TEX11: variants seen among roughly 807,000 people sequenced by gnomAD.
The protein encoded by TEX11 is testis expressed 11, also known as testis-expressed protein 11.
A neutral mutation model predicts 84.4 loss-of-function variants in TEX11; 7 were observed. The ratio of observed to expected loss-of-function variants is 0.08; its 90% CI spans 0.05 to 0.16. TEX11 has a LOEUF of 0.16. Among genes scored for constraint, TEX11 ranks in the 10% least tolerant of loss-of-function variants. TEX11 has a pLI of 1.00. For synonymous variants in TEX11, 264 were observed against 222.8 expected (o/e 1.18, Z -1.64); for missense variants, 551 against 660.5 (o/e 0.83, Z 1.82).
chrX:70,687,696 T>C (rs5936581), intron 13 of TEX11, among the ~76,000 whole-genome samples: 46,518 of 109,249 alleles, frequency 0.43, 8,326 homozygotes, highest in East Asian at 0.58. Context: ...TGAAATAAAG[T>C]AGAGTTATGT....
At chrX:70,586,741 A>G (rs1365664614) in intron 25 of TEX11, among the ~76,000 whole-genome samples, 1 of 112,184 alleles carries the variant, frequency 8.9e-6, no homozygotes, top group Non-Finnish European at 1.9e-5. Flanking sequence ...GCGAGAATGG[A>G]CTAATACAGT....
At chrX:70,639,313 A>C (rs2089616941) in intron 17 of TEX11, among the ~76,000 whole-genome samples, 1 of 111,853 alleles carries the variant, frequency 8.9e-6, no homozygotes, top group African/African-American at 3.2e-5. Flanking sequence ...GTCTGAGATC[A>C]AACTGCAAGG....
At chrX:70,825,107 T>A (rs1271960059) in intron 8 of TEX11, among the ~76,000 whole-genome samples, 2 of 110,498 alleles carry the variant, frequency 1.8e-5, no homozygotes, top group Non-Finnish European at 3.8e-5. Flanking sequence ...TGAGGTCAAT[T>A]CTGAGACCAG....
At chrX:70,684,991 A>T (rs1248426842) in intron 13 of TEX11, among the ~76,000 whole-genome samples, 1 of 111,847 alleles carries the variant, frequency 8.9e-6, no homozygotes, top group Non-Finnish European at 1.9e-5. Context: ...CCAGAAAAAA[A>T]CCCCAAAAAA....
the TEX11 span, among the ~76,000 whole-genome samples, chrX:70,516,602 G>A: frequency 4.5e-5 from 5 of 111,487 alleles, no homozygotes; most frequent in African/African-American, 6.5e-5. Context: ...TTAGCAATGC[G>A]GGCTCTTTTT....
intron 8 of TEX11, among the ~76,000 whole-genome samples, chrX:70,827,342 C>T (rs2091352531): frequency 8.9e-6 from 1 of 111,774 alleles, no homozygotes; most frequent in Non-Finnish European, 1.9e-5. Flanking sequence ...ACATTCCCAG[C>T]TGTGGTGGCT....
rs771725186 is a variant in TEX11 at position 70,833,279 on chromosome X, A to AAAAAAG, written c.606+233_606+234insCTTTTT. Among the ~76,000 whole-genome samples the AAAAAAG allele has an allele frequency of 5.8e-5, 6 of 103,337 alleles. 1 individual carries two copies. Among genetic ancestry groups the AAAAAAG allele is most frequent in the Admixed American group, 2.2e-4 (2 of 9,001 alleles). 89.7% of individuals were successfully genotyped at this position (103,337 alleles called of 115,157 possible). ...AGTGAGACTCCATCTCAGAAAAAAA[A>AAAAAAG]AAAAGAAAAGAAAAGAAAAGAAAAG... On this transcript the variant is annotated intron_variant, in intron 8 of 29. Transcript: ENST00000374333.
Position 70,860,873 on chromosome X carries a change from A to C in TEX11, c.308T>G (p.Ile103Ser), listed in dbSNP as rs752390103. 1.6e-5 allele frequency: 19 copies of C among 1,193,810 alleles called. No homozygotes were observed. The highest frequency in any genetic ancestry group is 4.7e-4 in the Middle Eastern group (2 of 4,291). Residue 103 changes from isoleucine (I) to serine (S), a missense_variant, in exon 5 of 30, where the codon ATT becomes AGT. Physicochemically the swap from Ile to Ser is moderately radical, Grantham distance 142. Coordinates refer to ENST00000374333, the MANE Select transcript of TEX11 (RefSeq NM_031276.3). ...AAGACTTACCATAATCAGTCGTTGA[A>C]TACTTTGTTCTGAGGCAAATGAGGC... The part of the protein sequence containing the change: ...CEASFASEQS[I>S]QRLIMMNMRI...
At chrX:70,867,943 T>C (rs930030423) in intron 4 of TEX11, among the ~76,000 whole-genome samples, 2 of 111,751 alleles carry the variant, frequency 1.8e-5, no homozygotes, top group Non-Finnish European at 3.8e-5. Flanking sequence ...ATGTAGGCAA[T>C]ACCATTCAAG....
intron 13 of TEX11, among the ~76,000 whole-genome samples, chrX:70,714,543 G>A (rs375292513): frequency 8.9e-6 from 1 of 111,830 alleles, no homozygotes; most frequent in East Asian, 2.8e-4. Flanking sequence ...TTACCATTAT[G>A]TAATGGCCTT....
intron 9 of TEX11, 87 bp from the exon 10 acceptor site, chrX:70,744,306 A>G: frequency 2.8e-6 from 1 of 351,557 alleles, no homozygotes; most frequent in Admixed American, 7.2e-5. Context: ...ATTATATATT[A>G]CTAAGAAGAC....
intron 25 of TEX11, among the ~76,000 whole-genome samples, chrX:70,580,386 C>T (rs1358141555): frequency 3.6e-5 from 4 of 111,742 alleles, no homozygotes; most frequent in Non-Finnish European, 7.5e-5. Flanking sequence ...TGTTTGCTAG[C>T]CTAACAGGGT....
chrX:70,647,308 A>C (rs761115088), intron 17 of TEX11, among the ~76,000 whole-genome samples: 1 of 111,865 alleles, frequency 8.9e-6, no homozygotes, highest in South Asian at 3.8e-4. Context: ...CAGAAGGAAC[A>C]AGTTCAAGAG....
intron 11 of TEX11, among the ~76,000 whole-genome samples, chrX:70,736,999 G>A (rs1159664335): frequency 1.8e-5 from 2 of 111,468 alleles, no homozygotes; most frequent in African/African-American, 3.3e-5. Flanking sequence ...CCCAGTGAAA[G>A]ACAGAGCAGG....
intron 28 of TEX11, among the ~76,000 whole-genome samples, chrX:70,547,017 T>A (rs747467299): frequency 1.6e-5 from 1 of 61,749 alleles, no homozygotes; most frequent in African/African-American, 6.1e-5. Flanking sequence ...TTCCCTAGAA[T>A]ATTATTCAGC....
At chrX:70,892,479 A>T (rs1881481350) in intron 2 of TEX11, among the ~76,000 whole-genome samples, 1 of 112,220 alleles carries the variant, frequency 8.9e-6, no homozygotes, top group South Asian at 3.7e-4. Flanking sequence ...TCACGCCTGT[A>T]ATCCCAGCAC....
chrX:70,739,106 C>G (rs1035843984), intron 11 of TEX11, among the ~76,000 whole-genome samples: 12 of 111,585 alleles, frequency 1.1e-4, no homozygotes, highest in Non-Finnish European at 2.1e-4. Flanking sequence ...TATCCTAGAA[C>G]TTAAAGTAAA....
intron 8 of TEX11, among the ~76,000 whole-genome samples, chrX:70,813,058 A>G (rs1039345427): frequency 2.7e-5 from 3 of 111,796 alleles, no homozygotes; most frequent in African/African-American, 6.5e-5. Context: ...AACCATTTCA[A>G]TCAATAGAAA....
chrX:70,769,192 T>A (rs2090957745), intron 9 of TEX11, among the ~76,000 whole-genome samples: 1 of 110,718 alleles, frequency 9.0e-6, no homozygotes, highest in Non-Finnish European at 1.9e-5. Context: ...TAAGCATAAA[T>A]CAAGCACAGA....
Sources: gnomAD v4.1 joint callset for allele counts (sites outside exome capture counted in the v4.1 genomes callset) on GRCh38, gnomAD v4.1.1 for gene constraint, MANE v1.5 for transcripts, NCBI Gene and HGNC (gene_info 2026-07-23, HGNC 2026-07-21) for gene names.